PXDNL: variants seen among roughly 807,000 people sequenced by gnomAD.
The protein encoded by PXDNL is peroxidasin like.
In PXDNL, 145 loss-of-function variants were observed where a neutral mutation model predicts 150.8. The observed-to-expected ratio is 0.96, with a 90% confidence interval of 0.84 to 1.10. PXDNL has a LOEUF of 1.10. Ranked by LOEUF, PXDNL falls within the 50% of genes least tolerant of loss-of-function variation. The pLI is 0.00. For missense variants in PXDNL, 2,087 were observed against 1,873.9 expected (o/e 1.11, Z -2.10); for synonymous variants, 757 against 725.7 (o/e 1.04, Z -0.69).
intron 3 of PXDNL, among the ~76,000 whole-genome samples, chr8:51,565,337 G>A (rs964510699): frequency 6.8e-6 from 1 of 148,070 alleles, no homozygotes; most frequent in Non-Finnish European, 1.5e-5. Flanking sequence ...TAGATAGATA[G>A]ATAGATAAAT....
chr8:51,472,343 C>G lies in PXDNL; in HGVS notation c.695-39G>C, dbSNP rs201143656. Reference sequence around the variant, plus strand: ...ATTATTGATGTATTTTTCAGAGATACAAAATTATGGCCTTCCAAGATGCTG... The same window carrying G: ...ATTATTGATGTATTTTTCAGAGATAGAAAATTATGGCCTTCCAAGATGCTG... On this transcript the variant is annotated intron_variant, in intron 7 of 22. Coordinates refer to ENST00000356297, the MANE Select transcript of PXDNL (RefSeq NM_144651.5). The G allele has an allele frequency of 3.4e-6, 5 of 1,485,164 alleles. No individual in the cohort carries two copies. In the Admixed American group the frequency reaches 5.2e-5, roughly 15 times the overall value. 92.0% of individuals were successfully genotyped at this position (1,485,164 alleles called of 1,614,324 possible).
intron 1 of PXDNL, among the ~76,000 whole-genome samples, chr8:51,672,927 G>C (rs1189035233): frequency 1.3e-5 from 2 of 152,060 alleles, no homozygotes. Flanking sequence ...AAATTCTTTG[G>C]TTGTGGGTGA....
intron 2 of PXDNL, among the ~76,000 whole-genome samples, chr8:51,606,934 G>T (rs778349536): frequency 1.3e-5 from 2 of 152,070 alleles, no homozygotes; most frequent in Non-Finnish European, 2.9e-5. Flanking sequence ...TAGTTCTTTT[G>T]CTCACTGTCA....
intron 9 of PXDNL, among the ~76,000 whole-genome samples, chr8:51,455,527 A>T (rs1418657642): frequency 2.6e-5 from 4 of 152,182 alleles, no homozygotes; most frequent in African/African-American, 9.7e-5. Flanking sequence ...AGAGGAAAAA[A>T]ATGTGATTAG....
chr8:51,756,223 A>G (rs1480054858), intron 1 of PXDNL, among the ~76,000 whole-genome samples: 4 of 152,066 alleles, frequency 2.6e-5, no homozygotes, highest in African/African-American at 9.7e-5. Flanking sequence ...GCAAAATACC[A>G]TCTCTGCAAA....
intron 21 of PXDNL, among the ~76,000 whole-genome samples, chr8:51,331,839 G>A (rs982761443): frequency 2.0e-4 from 30 of 152,182 alleles, no homozygotes; most frequent in African/African-American, 7.2e-4. Flanking sequence ...AGCAAGACTG[G>A]CCCAAGGAGA....
In PXDNL at chr8:51,413,207, T is replaced by G. The variant is rs16916207; in HGVS notation, c.1847A>C (p.Asp616Ala). 0.096 allele frequency: 154,277 copies of G among 1,609,470 alleles called. 9,050 individuals are homozygous for G. The highest frequency in any genetic ancestry group is 0.28 in the East Asian group (12,586 of 44,702). The change falls in exon 15 of 23, where the codon GAT becomes GCT. Residue 616 changes from aspartate (D) to alanine (A), a missense_variant. By Grantham distance (126) the Asp-to-Ala change is moderately radical (BLOSUM62 -2). Transcript: ENST00000356297. Reference protein sequence around the residue: ...GDDFVESSILDAVQRVDSAIN... With the variant: ...GDDFVESSILAAVQRVDSAIN... ...TGCACTGTCAACTCTCTGTACAGCA[T>G]CAAGAATGGAAGATTCAACAAAGTC...
At chr8:51,706,347 CTT>C (rs1253378731) in intron 1 of PXDNL, among the ~76,000 whole-genome samples, 1 of 152,042 alleles carries the variant, frequency 6.6e-6, no homozygotes, top group African/African-American at 2.4e-5. Context: ...TGGTAAGACT[CTT>C]TACCTCCAAT....
chr8:51,667,266 G>A (rs139600389), intron 1 of PXDNL, among the ~76,000 whole-genome samples: 15 of 152,208 alleles, frequency 9.9e-5, no homozygotes, highest in African/African-American at 2.9e-4. Context: ...CTTCTGTGCC[G>A]CACAGAGCAT....
Position 51,405,680 on chromosome 8 carries a change from C to A in PXDNL, c.3557+2387G>T, listed in dbSNP as rs1218788465. On this transcript the variant is annotated intron_variant, in intron 17 of 22. Coordinates refer to ENST00000356297, the MANE Select transcript of PXDNL (RefSeq NM_144651.5). ...TGACCGTAAAAACCATTTTATTTTG[C>A]ACTCATAGTTGAATGAGTATATGTT... 4.6e-5 allele frequency among the ~76,000 whole-genome samples: 7 copies of A among 152,302 alleles called. No individual in the cohort carries two copies. The East Asian group carries it at 1.4e-3, about 29-fold the overall frequency.
At position 51,453,894 on chromosome 8, in the gene PXDNL, A is replaced by G. The variant is rs1047556439; in HGVS notation, c.983-109T>C. On this transcript the variant is annotated intron_variant, in intron 9 of 22. Transcript: ENST00000356297. ...ATTGTCATTTTCAAAATTCCTTTAA[A>G]CTAAAATATTACACATATATATATA... The G allele has an allele frequency of 6.4e-6, 7 of 1,089,480 alleles. No homozygotes were observed. The African/African-American group carries it at 9.9e-5, about 15-fold the overall frequency. 67.5% of individuals were successfully genotyped at this position (1,089,480 alleles called of 1,614,324 possible). A position where few individuals can be genotyped will look rare whatever the true frequency, so the allele number is the denominator to read the frequency against.
intron 9 of PXDNL, among the ~76,000 whole-genome samples, chr8:51,457,089 C>A (rs950136610): frequency 1.3e-5 from 2 of 152,172 alleles, no homozygotes; most frequent in South Asian, 4.1e-4. Context: ...GAATAAGGAA[C>A]GTGGTTGATA....
chr8:51,675,397 C>A (rs973115241), intron 1 of PXDNL, among the ~76,000 whole-genome samples: 2 of 152,106 alleles, frequency 1.3e-5, no homozygotes, highest in Admixed American at 1.3e-4. Flanking sequence ...CAACAAGGCA[C>A]CACCTTGGAA....
chr8:51,510,223 T>C (rs1811384128), intron 4 of PXDNL, among the ~76,000 whole-genome samples: 1 of 152,172 alleles, frequency 6.6e-6, no homozygotes, highest in Non-Finnish European at 1.5e-5. Flanking sequence ...GTGCTCCTTG[T>C]CATTGCTAGA....
At chr8:51,548,744 G>A (rs79936794) in intron 4 of PXDNL, among the ~76,000 whole-genome samples, 1,556 of 152,124 alleles carry the variant, frequency 0.01, 26 homozygotes, top group African/African-American at 0.035. Flanking sequence ...AAATCTCATA[G>A]GACCTATAAA....
chr8:51,486,040 C>A (rs138384493), intron 5 of PXDNL, among the ~76,000 whole-genome samples: 2,124 of 152,202 alleles, frequency 0.014, 24 homozygotes, highest in South Asian at 0.043. Context: ...TGAAAGCTTT[C>A]TTCATTATTT....
chr8:51,543,751 C>T (rs189741928), intron 4 of PXDNL, among the ~76,000 whole-genome samples: 2 of 149,822 alleles, frequency 1.3e-5, no homozygotes, highest in East Asian at 3.9e-4. Context: ...AAATAATGAC[C>T]AGTCAAAGTG....
chr8:51,600,709 TATAGTTTAG>T (rs1372059023), intron 2 of PXDNL, among the ~76,000 whole-genome samples: 1 of 138,444 alleles, frequency 7.2e-6, no homozygotes, highest in Admixed American at 7.5e-5. Flanking sequence ...ATATAAATTA[TATAGTTTAG>T]ATGATAAATT....
chr8:51,430,251 C>A (rs16916260), intron 12 of PXDNL, among the ~76,000 whole-genome samples: 23,965 of 152,154 alleles, frequency 0.16, 1,994 homozygotes, highest in Middle Eastern at 0.25. Context: ...ACTTGGAAGG[C>A]GATCTGCTTC....
Sources: gnomAD v4.1 joint callset for allele counts (sites outside exome capture counted in the v4.1 genomes callset) on GRCh38, gnomAD v4.1.1 for gene constraint, MANE v1.5 for transcripts, NCBI Gene and HGNC (gene_info 2026-07-23, HGNC 2026-07-21) for gene names.